Variants in THOC5 observed in about 807,000 individuals in gnomAD.
THOC5 encodes THO complex subunit 5.
THOC5 carries 43 observed loss-of-function variants against 92.9 expected under a neutral mutation model. The ratio of observed to expected loss-of-function variants is 0.46; its 90% CI spans 0.36 to 0.60. The LOEUF is 0.60. Among genes scored for constraint, THOC5 ranks in the 20% least tolerant of loss-of-function variants. The pLI, the probability that THOC5 is intolerant of heterozygous loss-of-function variation, is 0.00. For synonymous variants in THOC5, 296 were observed against 320.1 expected (o/e 0.92, Z 0.80); for missense variants, 659 against 849.4 (o/e 0.78, Z 2.79).
chr22:29,552,513 C>T (rs55752411), intron 1 of THOC5, among the ~76,000 whole-genome samples: 21,133 of 150,968 alleles, frequency 0.14, 1,908 homozygotes, highest in East Asian at 0.41. Context: ...ACCCAGCAGC[C>T]GCCCCGTCCG....
intron 2 of THOC5, among the ~76,000 whole-genome samples, chr22:29,548,729 G>C (rs778010303): frequency 5.9e-5 from 9 of 152,156 alleles, no homozygotes; most frequent in Non-Finnish European, 1.0e-4. Flanking sequence ...AGGGATTCCT[G>C]AAGCTCCAGT....
At chr22:29,549,255 A>G in intron 1 of THOC5, 97 bp from the exon 2 acceptor site, 1 of 1,047,790 alleles carries the variant, frequency 9.5e-7, no homozygotes, top group Non-Finnish European at 1.4e-6. Flanking sequence ...AACTCAAGGA[A>G]AGTCATTTAA....
intron 2 of THOC5, among the ~76,000 whole-genome samples, chr22:29,546,061 A>G (rs1252410917): frequency 2.0e-5 from 3 of 152,178 alleles, no homozygotes; most frequent in African/African-American, 7.2e-5. Context: ...ACTTCTGTGC[A>G]CCCACAGGCT....
intron 19 of THOC5, among the ~76,000 whole-genome samples, chr22:29,510,696 C>T (rs113578631): frequency 0.022 from 3,363 of 152,284 alleles, 138 homozygotes; most frequent in African/African-American, 0.076. Context: ...AAACAGAGAT[C>T]TGCACTCCTA....
At chr22:29,515,634 C>T (rs930836410) in intron 17 of THOC5, among the ~76,000 whole-genome samples, 2 of 144,668 alleles carry the variant, frequency 1.4e-5, no homozygotes, top group Non-Finnish European at 3.0e-5. Context: ...CGAGACTGGC[C>T]TGGGCAACAA....
At chr22:29,551,315 T>C (rs188478089) in intron 1 of THOC5, among the ~76,000 whole-genome samples, 40 of 152,216 alleles carry the variant, frequency 2.6e-4, no homozygotes, top group Non-Finnish European at 4.0e-4. Flanking sequence ...GCGCCTGTAA[T>C]CTCAGCTACT....
At chr22:29,526,924 TG>T (rs1273318295) in intron 11 of THOC5, among the ~76,000 whole-genome samples, 2 of 152,118 alleles carry the variant, frequency 1.3e-5, no homozygotes, top group Non-Finnish European at 2.9e-5. Context: ...GCTTGGATCT[TG>T]GGACAGAAAA....
chr22:29,511,983 T>A, intron 18 of THOC5, 38 bp downstream of exon 18: 1 of 1,579,490 alleles, frequency 6.3e-7, no homozygotes, highest in Non-Finnish European at 8.7e-7. Flanking sequence ...CCCCGGGAGC[T>A]CTGCCTGCTC....
intron 7 of THOC5, among the ~76,000 whole-genome samples, chr22:29,533,204 G>A (rs1197343951): frequency 2.0e-5 from 3 of 152,176 alleles, no homozygotes; most frequent in African/African-American, 7.2e-5. Flanking sequence ...AAACTTGTAT[G>A]TAAATGCAAA....
chr22:29,512,149 G>T lies in THOC5; in HGVS notation c.1682-13C>A. ...GCCTGCAGTTTGGCTGGGAAGAGAG[G>T]AGAGAGGGGAAATGCGCAGTTCTAA... On this transcript the variant is annotated splice_polypyrimidine_tract_variant and intron_variant, in intron 17 of 19. Coordinates refer to ENST00000490103, the MANE Select transcript of THOC5 (RefSeq NM_003678.5). The T allele has an allele frequency of 1.2e-6, 2 of 1,610,748 alleles. No homozygotes were observed. Among genetic ancestry groups the T allele is most frequent in the Non-Finnish European group, 1.7e-6 (2 of 1,176,950 alleles).
intron 12 of THOC5, among the ~76,000 whole-genome samples, chr22:29,525,129 A>G (rs1280905852): frequency 1.3e-5 from 2 of 152,152 alleles, no homozygotes; most frequent in Admixed American, 1.3e-4. Flanking sequence ...ATAGAAAGTC[A>G]GCCAGGCATG....
At chr22:29,520,225 T>A (rs1365533102) in intron 13 of THOC5, 121 bp from the exon 14 acceptor site, 2 of 768,276 alleles carry the variant, frequency 2.6e-6, no homozygotes, top group East Asian at 5.5e-5. Flanking sequence ...TTTGGCCATG[T>A]TCACAGCCAG....
At chr22:29,547,133 T>C (rs1016551704) in intron 2 of THOC5, among the ~76,000 whole-genome samples, 19 of 151,912 alleles carry the variant, frequency 1.3e-4, no homozygotes, top group African/African-American at 3.6e-4. Context: ...CGTGAGCCAC[T>C]GCACATGGCC....
At chr22:29,552,238 G>A (rs1010231414) in intron 1 of THOC5, among the ~76,000 whole-genome samples, 5 of 151,912 alleles carry the variant, frequency 3.3e-5, no homozygotes, top group African/African-American at 9.7e-5. Flanking sequence ...GTCTCTGCCC[G>A]GCTGCCCATC....
intron 5 of THOC5, among the ~76,000 whole-genome samples, chr22:29,541,878 AAAAAAAAAAAAAAAAATATAT>A (rs2063898562): frequency 1.1e-4 from 11 of 96,810 alleles, no homozygotes; most frequent in African/African-American, 3.0e-4. Flanking sequence ...AAAAAAAAAA[AAAAAAAAAAAAAAAAATATAT>A]ATATATATAT....
chr22:29,551,031 G>T (rs2064131470), intron 1 of THOC5, among the ~76,000 whole-genome samples: 1 of 152,076 alleles, frequency 6.6e-6, no homozygotes, highest in African/African-American at 2.4e-5. Context: ...TGATCTAGTT[G>T]CATTATATTA....
intron 11 of THOC5, among the ~76,000 whole-genome samples, chr22:29,526,307 C>T (rs988633583): frequency 2.0e-5 from 3 of 152,092 alleles, no homozygotes; most frequent in Non-Finnish European, 2.9e-5. Context: ...CCAAGGTGGG[C>T]AGATCATGAA....
chr22:29,507,513 C>T lies in THOC5; in HGVS notation c.*944G>A, dbSNP rs2063149637. ...AACTGGGACTACAGGCATGCGCCAC[C>T]ACGCTTGGCTAATTTCCATGTTTTT... On this transcript the variant is annotated 3_prime_UTR_variant, in exon 20 of 20. Transcript: ENST00000490103. 6.6e-6 allele frequency: 1 copy of T among 152,170 alleles called. No homozygotes were observed. The highest frequency in any genetic ancestry group is 1.5e-5 in the Non-Finnish European group (1 of 68,042). The allele number at this position is 152,170 out of a possible 1,614,324, so 9.4% of individuals were successfully genotyped here. A position where few individuals can be genotyped will look rare whatever the true frequency, so the allele number is the denominator to read the frequency against.
intron 11 of THOC5, among the ~76,000 whole-genome samples, chr22:29,526,651 T>C (rs2063551032): frequency 6.7e-6 from 1 of 149,214 alleles, no homozygotes. Flanking sequence ...CCCTTGAGAG[T>C]GGGCTGGACT....
Sources: gnomAD v4.1 joint callset for allele counts (sites outside exome capture counted in the v4.1 genomes callset) on GRCh38, gnomAD v4.1.1 for gene constraint, MANE v1.5 for transcripts, NCBI Gene and HGNC (gene_info 2026-07-23, HGNC 2026-07-21) for gene names.